TK2: variants seen among roughly 807,000 people sequenced by gnomAD.
TK2 encodes thymidine kinase 2, mitochondrial.
In TK2, 35 loss-of-function variants were observed where a neutral mutation model predicts 41.9. The observed-to-expected ratio is 0.84, with a 90% CI of 0.64 to 1.11. The LOEUF (loss-of-function observed/expected upper bound fraction) is 1.11, where lower values mean the gene tolerates loss of function less well. Among genes scored for constraint, TK2 ranks in the 50% least tolerant of loss-of-function variants. The probability of loss-of-function intolerance (pLI) is 0.00; values close to 1 mark genes in which losing one functional copy is unlikely to be tolerated. For synonymous variants in TK2, 128 were observed against 129.1 expected (o/e 0.99, Z 0.06); for missense variants, 320 against 351.1 (o/e 0.91, Z 0.71).
chr16:66,520,741 G>A (rs1240596780), intron 6 of TK2, among the ~76,000 whole-genome samples: 5 of 152,170 alleles, frequency 3.3e-5, no homozygotes, highest in Admixed American at 3.3e-4. Flanking sequence ...CCATCTGTTG[G>A]GAGTTGATGA....
chr16:66,524,300 T>C (rs568425225), intron 6 of TK2, among the ~76,000 whole-genome samples: 2 of 152,244 alleles, frequency 1.3e-5, no homozygotes, highest in Admixed American at 6.5e-5. Flanking sequence ...GGCATTGGGA[T>C]GGAGGGCGCC....
Position 66,514,388 on chromosome 16 carries a change from C to T in TK2, c.619-577G>A, listed in dbSNP as rs1007761292. 1.3e-5 allele frequency among the ~76,000 whole-genome samples: 2 copies of T among 152,214 alleles called. No homozygotes were observed. Among genetic ancestry groups the T allele is most frequent in the Non-Finnish European group, 2.9e-5 (2 of 68,026 alleles). On this transcript the variant is annotated intron_variant, in intron 8 of 9. Coordinates refer to ENST00000544898, the MANE Select transcript of TK2 (RefSeq NM_004614.5). This position sits in a 1 kb window ranked among gnomAD's most constrained non-coding sequence, Gnocchi z 4.2. The stretch of plus-strand genomic sequence containing the variant: ...CGCCAGCCTCGGCCTCCCGAGGTGC[C>T]GGGATTGCAGACGGAGTCTGGTTCA...
At chr16:66,549,416 G>A in intron 1 of TK2, 1 of 1,085,982 alleles carries the variant, frequency 9.2e-7, no homozygotes, top group African/African-American at 1.7e-5. Flanking sequence ...GGCGGGCATC[G>A]CTGCCCATCC....
upstream of TK2, chr16:66,550,260 A>G (rs759093373): frequency 4.3e-5 from 68 of 1,598,326 alleles, 1 homozygote; most frequent in Middle Eastern, 5.0e-4. Flanking sequence ...TACCACTGCT[A>G]GGACGCTGGC....
chr16:66,535,198 A>C (rs1027141944), intron 4 of TK2, among the ~76,000 whole-genome samples: 3 of 152,232 alleles, frequency 2.0e-5, no homozygotes, highest in African/African-American at 7.2e-5. Flanking sequence ...ATTTTTCACA[A>C]AAGTATCGAT....
At chr16:66,516,376 G>A (rs895588814) in intron 8 of TK2, among the ~76,000 whole-genome samples, 8 of 152,270 alleles carry the variant, frequency 5.3e-5, no homozygotes, top group Admixed American at 1.3e-4. Context: ...AGTAGGGAAT[G>A]GAGGATGATA....
chr16:66,524,277 G>A (rs1392117623), intron 6 of TK2, among the ~76,000 whole-genome samples: 2 of 152,140 alleles, frequency 1.3e-5, no homozygotes, highest in African/African-American at 4.8e-5. Context: ...GAACTCCAGG[G>A]GAAAAGGGTC....
Position 66,549,025 on chromosome 16 carries a change from A to T in TK2, c.125-16T>A. The T allele has an allele frequency of 6.2e-7, 1 of 1,613,574 alleles. No homozygotes were observed. On this transcript the variant is annotated splice_polypyrimidine_tract_variant and intron_variant, in intron 1 of 9. Transcript: ENST00000544898. ...TGTTCTTTATCTACAAAAGAAAGGA[A>T]ATCAGTTTTTAAACTCACTTTTAAA...
At position 66,550,039 on chromosome 16, in the gene TK2, C is replaced by T. The variant is rs1337310934; in HGVS notation, c.23G>A (p.Gly8Asp). The change falls in exon 1 of 10, where the codon GGC becomes GAC. Residue 8 changes from glycine to aspartate, a missense_variant. Physicochemically the swap from Gly to Asp is moderately conservative, Grantham distance 94. Coordinates refer to ENST00000544898, the MANE Select transcript of TK2 (RefSeq NM_004614.5). Reference protein sequence around the residue: MLLWPLRGWAARALRCFG... With the variant: MLLWPLRDWAARALRCFG... ...GCAGCGCAGCGCCCGGGCGGCCCAGCCCCGCAGCGGCCACAGCAGCATAGC... is the reference window on the plus strand; with the variant it reads ...GCAGCGCAGCGCCCGGGCGGCCCAGTCCCGCAGCGGCCACAGCAGCATAGC... 1.3e-6 allele frequency: 2 copies of T among 1,561,028 alleles called. No homozygotes were observed. The highest frequency in any genetic ancestry group is 8.7e-7 in the Non-Finnish European group (1 of 1,154,300).
intron 6 of TK2, among the ~76,000 whole-genome samples, chr16:66,522,015 T>C (rs956046795): frequency 6.6e-6 from 1 of 152,188 alleles, no homozygotes; most frequent in African/African-American, 2.4e-5. Flanking sequence ...CACAAGACCT[T>C]GTGAGGCTGG....
chr16:66,539,232 G>C (rs1965379869), intron 3 of TK2, among the ~76,000 whole-genome samples: 1 of 152,092 alleles, frequency 6.6e-6, no homozygotes, highest in African/African-American at 2.4e-5. Context: ...GATGATTCAT[G>C]AGAACTCACA....
intron 9 of TK2, 54 bp downstream of exon 9, chr16:66,513,677 G>A (rs945748006): frequency 5.3e-5 from 82 of 1,545,044 alleles, no homozygotes; most frequent in African/African-American, 6.8e-5. Flanking sequence ...GACATTCCCC[G>A]GGTCACTCCT....
chr16:66,509,433 T>C lies in TK2; in HGVS notation c.*2535A>G, dbSNP rs1180319935. ...TATCTAGTTTCCAAAAAAAACCAGG[T>C]ACATAAGGTATTTTTAAATGGTTAT... On this transcript the variant is annotated 3_prime_UTR_variant, in exon 10 of 10. Transcript: ENST00000544898. 1 of 152,168 alleles carries C rather than the reference T, an allele frequency of 6.6e-6. No homozygotes were observed. Among genetic ancestry groups the C allele is most frequent in the East Asian group, 1.9e-4 (1 of 5,208 alleles). 9.4% of individuals were successfully genotyped at this position (152,168 alleles called of 1,614,324 possible).
chr16:66,522,358 C>T (rs74366952), intron 6 of TK2, among the ~76,000 whole-genome samples: 1 of 152,234 alleles, frequency 6.6e-6, no homozygotes, highest in South Asian at 2.1e-4. Flanking sequence ...GTGTCCCCAA[C>T]CACAAGCCAC....
intron 9 of TK2, 95 bp from the exon 10 acceptor site, chr16:66,512,161 G>T: frequency 9.3e-7 from 1 of 1,073,604 alleles, no homozygotes; most frequent in Non-Finnish European, 1.4e-6. Context: ...AGGCAGCAGG[G>T]GGCAGGGAAG....
chr16:66,545,442 G>A (rs1965577840), intron 2 of TK2, among the ~76,000 whole-genome samples: 1 of 152,178 alleles, frequency 6.6e-6, no homozygotes, highest in African/African-American at 2.4e-5. Context: ...GATAAACAAA[G>A]TGCACTACAG....
intron 4 of TK2, 27 bp downstream of exon 4, chr16:66,536,937 G>T (rs774607282): frequency 3.1e-6 from 5 of 1,613,958 alleles, no homozygotes; most frequent in South Asian, 1.1e-5. Context: ...GGAAGCCGGG[G>T]GTTCATGCAA....
intron 2 of TK2, among the ~76,000 whole-genome samples, chr16:66,546,360 T>C (rs4783643): frequency 0.068 from 10,428 of 152,324 alleles, 514 homozygotes; most frequent in South Asian, 0.17. Context: ...TTTTGTGGTA[T>C]GCAAATTACA....
intron 3 of TK2, among the ~76,000 whole-genome samples, 187 bp downstream of exon 3, chr16:66,541,692 C>T (rs1471993772): frequency 6.6e-6 from 1 of 152,058 alleles, no homozygotes; most frequent in East Asian, 1.9e-4. Context: ...GCTAGGATTA[C>T]AGGCTTGAGC....
Sources: allele counts gnomAD v4.1 joint callset (sites outside exome capture counted in the v4.1 genomes callset), GRCh38; gene constraint gnomAD v4.1.1; non-coding constraint Gnocchi (gnomAD v3.1); transcripts MANE v1.5; gene names NCBI Gene and HGNC (gene_info 2026-07-23, HGNC 2026-07-21).